The following SPATA17 variants were observed in gnomAD, a reference collection of about 807,000 sequenced individuals.
SPATA17 encodes the protein spermatogenesis associated 17.
In SPATA17, 53 loss-of-function variants were observed where a neutral mutation model predicts 62.2. That is an observed-to-expected ratio of 0.85 (90% CI 0.68 to 1.07). SPATA17 has a LOEUF of 1.07. Among genes scored for constraint, SPATA17 ranks in the 50% least tolerant of loss-of-function variants. The probability of loss-of-function intolerance (pLI) is 0.00; values close to 1 mark genes in which losing one functional copy is unlikely to be tolerated. For missense variants in SPATA17, 466 were observed against 425.5 expected, an observed-to-expected ratio of 1.10 and a Z score of -0.84; for synonymous variants, 146 against 146.8, an observed-to-expected ratio of 0.99 and a Z score of 0.04.
At chr1:217,674,414 C>T (rs560928943) in intron 4 of SPATA17, among the ~76,000 whole-genome samples, 5 of 152,164 alleles carry the variant, frequency 3.3e-5, no homozygotes, top group African/African-American at 1.2e-4. Context: ...GGAGGTGCCT[C>T]ATCTACTCAG....
chr1:217,773,424 A>G (rs1673504759), intron 6 of SPATA17, among the ~76,000 whole-genome samples: 1 of 152,138 alleles, frequency 6.6e-6, no homozygotes, highest in Non-Finnish European at 1.5e-5. Flanking sequence ...ACATATGTGT[A>G]TATGTTTTGA....
chr1:217,730,254 G>A (rs573942212), intron 5 of SPATA17, among the ~76,000 whole-genome samples: 1 of 147,536 alleles, frequency 6.8e-6, no homozygotes. Flanking sequence ...GTCTCACTCT[G>A]TCGCCAAGGC....
At chr1:217,754,242 A>G (rs1672986147) in intron 6 of SPATA17, among the ~76,000 whole-genome samples, 1 of 152,184 alleles carries the variant, frequency 6.6e-6, no homozygotes, top group Admixed American at 6.5e-5. Context: ...CTCAAAACAA[A>G]CAAACAAAAA....
Position 217,812,230 on chromosome 1 carries a change from T to C in SPATA17, c.1005+10380T>C, listed in dbSNP as rs1219164284. Among the ~76,000 whole-genome samples, 2 of 152,192 alleles carry C rather than the reference T, an allele frequency of 1.3e-5. 1 individual carries two copies. Among genetic ancestry groups the C allele is most frequent in the Non-Finnish European group, 2.9e-5 (2 of 68,042 alleles). On this transcript the variant is annotated intron_variant, in intron 9 of 10. Coordinates refer to ENST00000366933, the MANE Select transcript of SPATA17 (RefSeq NM_138796.4). ...ACCAATTGTGTTAAAAGGTGTCAGT[T>C]GGCAGAAAATCAAAGGTAAGTAAAT...
At chr1:217,773,990 T>A (rs187532650) in intron 6 of SPATA17, among the ~76,000 whole-genome samples, 44 of 152,300 alleles carry the variant, frequency 2.9e-4, no homozygotes, top group Admixed American at 9.8e-4. Context: ...ATACATAGCA[T>A]ACAGTTAGAA....
chr1:217,817,144 G>A (rs2102994920), intron 9 of SPATA17, among the ~76,000 whole-genome samples: 1 of 152,184 alleles, frequency 6.6e-6, no homozygotes, highest in South Asian at 2.1e-4. Flanking sequence ...CAAACTGGAG[G>A]ATATTTAATA....
intron 5 of SPATA17, among the ~76,000 whole-genome samples, chr1:217,716,434 A>C (rs1208135465): frequency 6.6e-6 from 1 of 152,194 alleles, no homozygotes; most frequent in Non-Finnish European, 1.5e-5. Context: ...AATTTTCACC[A>C]ACTTAATTTT....
chr1:217,702,426 T>C (rs150231736), intron 5 of SPATA17, among the ~76,000 whole-genome samples: 1 of 152,330 alleles, frequency 6.6e-6, no homozygotes, highest in African/African-American at 2.4e-5. Context: ...CCAAATTCTT[T>C]CTTCTACTGA....
chr1:217,639,277 G>C (rs1476798218), intron 1 of SPATA17, among the ~76,000 whole-genome samples: 1 of 151,980 alleles, frequency 6.6e-6, no homozygotes, highest in African/African-American at 2.4e-5. Flanking sequence ...GAACCCAAAA[G>C]ACACAAAAAC....
At chr1:217,757,827 G>C (rs1673085264) in intron 6 of SPATA17, among the ~76,000 whole-genome samples, 1 of 152,172 alleles carries the variant, frequency 6.6e-6, no homozygotes. Flanking sequence ...AGTGGAAGAA[G>C]ACCTGAACTT....
intron 5 of SPATA17, among the ~76,000 whole-genome samples, chr1:217,711,702 C>T (rs776763754): frequency 6.6e-6 from 1 of 152,152 alleles, no homozygotes; most frequent in Non-Finnish European, 1.5e-5. Flanking sequence ...AGAGCTAGTA[C>T]TTATAAACAG....
intron 9 of SPATA17, among the ~76,000 whole-genome samples, chr1:217,859,060 T>C (rs1675842003): frequency 6.7e-6 from 1 of 148,570 alleles, no homozygotes; most frequent in Non-Finnish European, 1.5e-5. Context: ...AATAAAATTA[T>C]ATATGTGTAT....
At chr1:217,631,639 G>A (rs1669778918) in intron 1 of SPATA17, among the ~76,000 whole-genome samples, 193 bp downstream of exon 1, 1 of 152,146 alleles carries the variant, frequency 6.6e-6, no homozygotes, top group South Asian at 2.1e-4. Flanking sequence ...ATAGAGAGGG[G>A]CCGTAGATAT....
intron 1 of SPATA17, among the ~76,000 whole-genome samples, chr1:217,642,839 T>C (rs898416578): frequency 5.3e-5 from 8 of 152,100 alleles, no homozygotes; most frequent in African/African-American, 1.9e-4. Flanking sequence ...GATAAGGAGG[T>C]TTATTTATTT....
At chr1:217,687,608 G>T (rs1671246602) in intron 5 of SPATA17, among the ~76,000 whole-genome samples, 6 of 152,114 alleles carry the variant, frequency 3.9e-5, no homozygotes, top group Admixed American at 3.9e-4. Flanking sequence ...ACAGCATCAT[G>T]CTGTACAGGT....
chr1:217,814,005 T>C (rs919265482), intron 9 of SPATA17, among the ~76,000 whole-genome samples: 2 of 152,102 alleles, frequency 1.3e-5, no homozygotes, highest in Non-Finnish European at 1.5e-5. Flanking sequence ...ATTAATTTGA[T>C]ACATTGTTTA....
chr1:217,853,914 A>T (rs1675719174), intron 9 of SPATA17, among the ~76,000 whole-genome samples: 1 of 152,184 alleles, frequency 6.6e-6, no homozygotes, highest in South Asian at 2.1e-4. Flanking sequence ...TTATTAAAAG[A>T]AAAACTTCAG....
At chr1:217,654,961 T>C (rs1300755969) in intron 3 of SPATA17, among the ~76,000 whole-genome samples, 10 of 152,124 alleles carry the variant, frequency 6.6e-5, no homozygotes, top group Non-Finnish European at 1.5e-4. Context: ...ATGCCCGCCT[T>C]GGCCTCCCAA....
chr1:217,661,017 C>T (rs184812256), intron 3 of SPATA17, among the ~76,000 whole-genome samples: 3 of 152,216 alleles, frequency 2.0e-5, no homozygotes, highest in South Asian at 2.1e-4. Context: ...TCAGCAAAAT[C>T]TCTGGCACAT....
Sources: gnomAD v4.1 joint callset for allele counts (sites outside exome capture counted in the v4.1 genomes callset) on GRCh38, gnomAD v4.1.1 for gene constraint, MANE v1.5 for transcripts, NCBI Gene and HGNC (gene_info 2026-07-23, HGNC 2026-07-21) for gene names.